Variants in ASNS observed in about 807,000 individuals in gnomAD.
The protein encoded by ASNS is asparagine synthetase (glutamine-hydrolyzing).
Under a neutral mutation model 62.6 loss-of-function variants are expected in ASNS, and 37 were observed. The observed-to-expected ratio is 0.59, with a 90% confidence interval of 0.45 to 0.78. The LOEUF is 0.78. Ranked by LOEUF, ASNS falls within the 30% of genes least tolerant of loss-of-function variation. ASNS has a pLI of 0.00. For synonymous variants in ASNS, 207 were observed against 237.9 expected (o/e 0.87, Z 1.19); for missense variants, 520 against 682.4 (o/e 0.76, Z 2.65).
At chr7:97,872,785 T>C (rs1391874568), upstream of ASNS, among the ~76,000 whole-genome samples, 4 of 152,226 alleles carry the variant, frequency 2.6e-5, no homozygotes, top group African/African-American at 9.6e-5. Context: ...GCGTGAGGCC[T>C]AAAATGTCCT....
intron 4 of ASNS, 125 bp from the exon 5 acceptor site, chr7:97,859,523 G>T: frequency 9.6e-7 from 1 of 1,041,144 alleles, no homozygotes; most frequent in Non-Finnish European, 1.3e-6. Context: ...CATTAAATAA[G>T]CAAAATAGGA....
At chr7:97,861,182 C>T (rs1791700722) in intron 4 of ASNS, among the ~76,000 whole-genome samples, 1 of 151,994 alleles carries the variant, frequency 6.6e-6, no homozygotes, top group Non-Finnish European at 1.5e-5. Context: ...CCACCACGCC[C>T]GGCTAATTTT....
At chr7:97,872,216 G>C (rs904258489) in intron 1 of ASNS, 135 bp downstream of exon 1, 2 of 151,724 alleles carry the variant, frequency 1.3e-5, no homozygotes, top group African/African-American at 4.9e-5. Context: ...GCATCAGCAG[G>C]CGCCCGCGAA....
chr7:97,856,905 G>A (rs1791467747), intron 7 of ASNS, 89 bp from the exon 8 acceptor site: 1 of 1,299,764 alleles, frequency 7.7e-7, no homozygotes. Context: ...AAAGCTTTAT[G>A]AATTAACAAT....
chr7:97,900,229 G>T, the ASNS span, among the ~76,000 whole-genome samples: 1 of 151,968 alleles, frequency 6.6e-6, no homozygotes, highest in East Asian at 1.9e-4. Flanking sequence ...AGGCATGGTG[G>T]CAGGTGCCTA....
the ASNS span, among the ~76,000 whole-genome samples, chr7:97,891,943 G>A: frequency 6.6e-6 from 1 of 152,182 alleles, no homozygotes; most frequent in African/African-American, 2.4e-5. Context: ...GCTCCACTAG[G>A]TGGCGCTGCA....
chr7:97,853,345 G>C lies in ASNS; in HGVS notation c.1280C>G (p.Ser427Cys). The C allele has an allele frequency of 6.2e-7, 1 of 1,613,242 alleles. No homozygotes were observed. Among genetic ancestry groups the C allele is most frequent in the Non-Finnish European group, 8.5e-7 (1 of 1,179,864 alleles). The change falls in exon 11 of 13, where the codon TCC (serine) becomes TGC (cysteine). Residue 427 changes from serine to cysteine, a missense_variant. Coordinates refer to ENST00000394308, the MANE Select transcript of ASNS (RefSeq NM_001673.5). ...TTCTGGTGGCAGAGACAAGTAATAG[G>C]AAGAAAATCGATGATCTAGAAATGG... ...RVPFLDHRFSSYYLSLPPEMR... is the reference protein window; with the variant it reads ...RVPFLDHRFSCYYLSLPPEMR...
At position 97,858,959 on chromosome 7, in the gene ASNS, T is replaced by A. The variant is rs779863917; in HGVS notation, c.674-4A>T. On this transcript the variant is annotated splice_region_variant and splice_polypyrimidine_tract_variant and intron_variant, in intron 5 of 12. Transcript: ENST00000394308. ...TTCACAGTTTCTATCTCAAAACCTA[T>A]AAACACAGCAGTAAATCAAACAGCT... 3.7e-6 allele frequency: 6 copies of A among 1,605,156 alleles called. No homozygotes were observed. The African/African-American group carries it at 8.1e-5, about 22-fold the overall frequency.
chr7:97,892,522 T>C, the ASNS span, among the ~76,000 whole-genome samples: 1 of 152,098 alleles, frequency 6.6e-6, no homozygotes, highest in Non-Finnish European at 1.5e-5. Flanking sequence ...TCTGCTTCCC[T>C]TATAAAACTG....
chr7:97,862,587 AAG>A (rs1379405833), intron 4 of ASNS, among the ~76,000 whole-genome samples: 5 of 152,188 alleles, frequency 3.3e-5, no homozygotes, highest in Non-Finnish European at 1.5e-5. Context: ...ATAAAACACA[AAG>A]AGTGAACCCT....
At chr7:97,882,503 G>A in the ASNS span, among the ~76,000 whole-genome samples, 10 of 151,054 alleles carry the variant, frequency 6.6e-5, no homozygotes, top group Non-Finnish European at 1.3e-4. Flanking sequence ...AGCCGAGATC[G>A]CATCACTGCA....
At chr7:97,853,433 G>A in intron 10 of ASNS, 47 bp from the exon 11 acceptor site, 1 of 1,487,854 alleles carries the variant, frequency 6.7e-7, no homozygotes, top group Non-Finnish European at 9.3e-7. Context: ...GGTATTTAGT[G>A]CCTGCCAGGT....
intron 3 of ASNS, among the ~76,000 whole-genome samples, chr7:97,868,678 A>C (rs1179564341): frequency 6.6e-6 from 1 of 152,220 alleles, no homozygotes; most frequent in Non-Finnish European, 1.5e-5. Context: ...AAATTCTAAG[A>C]GTCAATGAAA....
At chr7:97,885,324 C>G in the ASNS span, among the ~76,000 whole-genome samples, 1 of 152,192 alleles carries the variant, frequency 6.6e-6, no homozygotes, top group African/African-American at 2.4e-5. Flanking sequence ...TTCACTTTGG[C>G]GCTATTATGA....
chr7:97,858,457 A>G (rs1276998666), intron 6 of ASNS, 52 bp from the exon 7 acceptor site: 2 of 1,603,648 alleles, frequency 1.2e-6, no homozygotes, highest in Non-Finnish European at 1.7e-6. Flanking sequence ...CTTGCATAAG[A>G]CAGGGACAGA....
intron 6 of ASNS, 147 bp downstream of exon 6, chr7:97,858,707 A>T: frequency 1.2e-6 from 1 of 831,190 alleles, no homozygotes; most frequent in Non-Finnish European, 1.8e-6. Flanking sequence ...TATTAAATAC[A>T]GCTTATAAAA....
At chr7:97,910,234 G>C in the ASNS span, among the ~76,000 whole-genome samples, 3 of 152,156 alleles carry the variant, frequency 2.0e-5, no homozygotes, top group African/African-American at 7.2e-5. Flanking sequence ...GCAGTCACTG[G>C]GAGTGAGCTC....
At chr7:97,856,446 T>C (rs1159832614) in intron 8 of ASNS, among the ~76,000 whole-genome samples, 2 of 152,214 alleles carry the variant, frequency 1.3e-5, no homozygotes, top group African/African-American at 4.8e-5. Context: ...ATCTGCTCCC[T>C]GGGGAAACAC....
the ASNS span, among the ~76,000 whole-genome samples, chr7:97,886,775 A>G: frequency 6.6e-6 from 1 of 152,096 alleles, no homozygotes; most frequent in Non-Finnish European, 1.5e-5. Context: ...TGACACAAAG[A>G]CCTTTTGGTT....
Sources: allele counts gnomAD v4.1 joint callset (sites outside exome capture counted in the v4.1 genomes callset), GRCh38; gene constraint gnomAD v4.1.1; transcripts MANE v1.5; gene names NCBI Gene and HGNC (gene_info 2026-07-23, HGNC 2026-07-21).